Variants in ABCA10 observed in about 807,000 individuals in gnomAD.
ABCA10 encodes the protein ATP-binding cassette sub-family A member 10.
Under a neutral mutation model 187.5 loss-of-function variants are expected in ABCA10, and 169 were observed. The ratio of observed to expected loss-of-function variants is 0.90; its 90% confidence interval spans 0.80 to 1.02. The LOEUF (loss-of-function observed/expected upper bound fraction) is 1.02. Ranked by LOEUF, ABCA10 falls within the 50% of genes least tolerant of loss-of-function variation. The pLI is 0.00. For missense variants in ABCA10, 1,727 were observed against 1,812.4 expected (o/e 0.95, Z 0.86); for synonymous variants, 574 against 601.8 (o/e 0.95, Z 0.68).
intron 9 of ABCA10, among the ~76,000 whole-genome samples, chr17:69,208,237 G>GA (rs2074606551): frequency 6.6e-6 from 1 of 151,898 alleles, no homozygotes; most frequent in Non-Finnish European, 1.5e-5. Flanking sequence ...CTAACACGGT[G>GA]AAAGCCCATC....
intron 25 of ABCA10, among the ~76,000 whole-genome samples, chr17:69,166,957 CT>C (rs2074258729): frequency 6.6e-6 from 1 of 152,142 alleles, no homozygotes; most frequent in Non-Finnish European, 1.5e-5. Flanking sequence ...ATGATCAGTA[CT>C]GCCATTATCT....
chr17:69,214,657 G>C, intron 9 of ABCA10, 47 bp downstream of exon 9: 1 of 1,372,906 alleles, frequency 7.3e-7, no homozygotes, highest in Non-Finnish European at 9.6e-7. Context: ...CATGTTTTAA[G>C]AAACAGAATT....
intron 20 of ABCA10, among the ~76,000 whole-genome samples, chr17:69,184,849 A>ATGTG (rs139291537): frequency 1.8e-3 from 261 of 144,156 alleles, no homozygotes; most frequent in African/African-American, 6.8e-3. Context: ...ATATATGTAT[A>ATGTG]TGTGTGTGTG....
At chr17:69,169,317 T>C (rs1219849148) in intron 25 of ABCA10, among the ~76,000 whole-genome samples, 3 of 152,208 alleles carry the variant, frequency 2.0e-5, no homozygotes, top group African/African-American at 7.2e-5. Flanking sequence ...TGTCCATACA[T>C]CAAGTCAATA....
intron 1 of ABCA10, among the ~76,000 whole-genome samples, chr17:69,235,784 A>G (rs760996812): frequency 6.6e-6 from 1 of 152,036 alleles, no homozygotes; most frequent in African/African-American, 2.4e-5. Context: ...AAAAAAAAGA[A>G]AACAAAAAAA....
chr17:69,239,692 G>GC (rs2074892883), intron 1 of ABCA10, among the ~76,000 whole-genome samples: 1 of 152,082 alleles, frequency 6.6e-6, no homozygotes, highest in Non-Finnish European at 1.5e-5. Flanking sequence ...GTTGAGTGCT[G>GC]CCACCCGGCC....
At position 69,193,161 on chromosome 17, in the gene ABCA10, G is replaced by A. The variant is rs75656517; in HGVS notation, c.1729C>T (p.Arg577Ter). 4,017 of 1,613,892 alleles carry A rather than the reference G, an allele frequency of 2.5e-3. 81 individuals are homozygous for A. In the African/African-American group the frequency reaches 0.048, roughly 19 times the overall value. Residue 577 changes from arginine to a stop codon, truncating the protein, a stop_gained, in exon 15 of 39, where the codon CGA (arginine) becomes TGA (stop). Transcript: ENST00000690296. LOFTEE classifies it high-confidence loss of function. Reference protein sequence around the residue: ...WSLLKEHKVDRLILFSTQFMD... With the variant: ...WSLLKEHKVD ...AATTGGGTACTGAAGAGGATAAGTC[G>A]GTCTACTTTATGCTCCTTCAGGAGG...
chr17:69,223,856 A>C (rs755276081), intron 3 of ABCA10: 2 of 272,328 alleles, frequency 7.3e-6, no homozygotes, highest in Non-Finnish European at 7.3e-6. Flanking sequence ...ATTTTATATA[A>C]GAAAGAGACA....
chr17:69,236,794 G>A (rs570399501), intron 1 of ABCA10, among the ~76,000 whole-genome samples: 2 of 151,596 alleles, frequency 1.3e-5, no homozygotes, highest in Non-Finnish European at 2.9e-5. Flanking sequence ...TTTGGTCTTG[G>A]GAGAGTGTGC....
intron 3 of ABCA10, among the ~76,000 whole-genome samples, chr17:69,223,276 A>G (rs1339047837): frequency 1.3e-5 from 2 of 151,954 alleles, no homozygotes; most frequent in South Asian, 2.1e-4. Flanking sequence ...TTATAAACTG[A>G]TATCACATGA....
At chr17:69,212,082 T>C (rs528180766) in intron 9 of ABCA10, among the ~76,000 whole-genome samples, 18 of 152,220 alleles carry the variant, frequency 1.2e-4, no homozygotes, top group African/African-American at 4.1e-4. Flanking sequence ...TGTCTATTTG[T>C]GCTCTTTCAG....
Position 69,155,889 on chromosome 17 carries a change from C to T in ABCA10, c.3492G>A (p.Pro1164=), listed in dbSNP as rs372237333. The change falls in exon 29 of 39, where the codon CCG becomes CCA. Residue 1164 remains proline (P), a synonymous_variant. Transcript: ENST00000690296. Reference sequence around the variant, plus strand: ...CTTCATCTTCTTCTTCGGGCTCTTCCGGATTGGGATGAGTTTCTCTACTCC... The same window carrying T: ...CTTCATCTTCTTCTTCGGGCTCTTCTGGATTGGGATGAGTTTCTCTACTCC... ...SPRSRETHPN[P]EEPEEEDEDV... The T allele has an allele frequency of 3.2e-4, 517 of 1,613,522 alleles. 3 individuals are homozygous for T. In the South Asian group the frequency reaches 4.3e-3, roughly 13 times the overall value.
rs377397041 is a variant in ABCA10, at chr17:69,191,247, G to C, written c.1940C>G (p.Ala647Gly). ...TTCTTCACTTTCTGTTGTTAACTTG[G>C]CATCAGGAATGTGCTGCTTAATAAG... ...TSLIKQHIPD[A>G]KLTTESEEKL... The change falls in exon 17 of 39, where the codon GCC (alanine) becomes GGC (glycine). Residue 647 changes from alanine (A) to glycine (G), a missense_variant. Ala to Gly is a moderately conservative substitution (Grantham distance 60, BLOSUM62 0). Coordinates refer to ENST00000690296, the MANE Select transcript of ABCA10 (RefSeq NM_001377321.1). 1.9e-5 allele frequency: 31 copies of C among 1,601,906 alleles called. No individual in the cohort carries two copies. Among genetic ancestry groups the C allele is most frequent in the Non-Finnish European group, 2.2e-5 (26 of 1,173,178 alleles).
intron 6 of ABCA10, among the ~76,000 whole-genome samples, chr17:69,219,247 C>A (rs1026651949): frequency 5.3e-5 from 8 of 152,184 alleles, no homozygotes; most frequent in African/African-American, 1.9e-4. Flanking sequence ...TCCACCCATA[C>A]TGCAGACAAA....
Position 69,174,793 on chromosome 17 carries a change from A to C in ABCA10, c.2878-16T>G. ...GAACATTTTTCTGACAAAGAATAGA[A>C]GGGATAGAGGAAGGGATCTTAGTTT... is the stretch of plus-strand genomic sequence containing the variant. On this transcript the variant is annotated splice_polypyrimidine_tract_variant and intron_variant, in intron 23 of 38. Coordinates refer to ENST00000690296, the MANE Select transcript of ABCA10 (RefSeq NM_001377321.1). 2 of 1,544,774 alleles carry C rather than the reference A, an allele frequency of 1.3e-6. No individual in the cohort carries two copies. The highest frequency in any genetic ancestry group is 1.7e-6 in the Non-Finnish European group (2 of 1,151,340).
chr17:69,197,977 T>G (rs886088200), intron 10 of ABCA10, among the ~76,000 whole-genome samples: 1 of 152,202 alleles, frequency 6.6e-6, no homozygotes, highest in Non-Finnish European at 1.5e-5. Context: ...GATATCAAAC[T>G]GAACGCATTA....
chr17:69,174,856 T>C (rs755281746), intron 23 of ABCA10, 79 bp from the exon 24 acceptor site: 18 of 1,290,352 alleles, frequency 1.4e-5, no homozygotes, highest in Middle Eastern at 2.3e-4. Context: ...AATTGTTTAA[T>C]AAATTTTAGA....
intron 1 of ABCA10, among the ~76,000 whole-genome samples, chr17:69,238,553 C>A (rs763308806): frequency 2.6e-5 from 4 of 152,106 alleles, no homozygotes; most frequent in Admixed American, 6.5e-5. Flanking sequence ...AACTCAAATG[C>A]CTCTTACTCT....
rs547476640 is a variant in ABCA10 at position 69,216,001 on chromosome 17, C to G, written c.673-1G>C. On this transcript the variant is annotated splice_acceptor_variant, in intron 7 of 38. Transcript: ENST00000690296. LOFTEE classifies it high-confidence loss of function. ...CACTCATGAGGAAAGCCAATGCTAT[C>G]TGAAGGAAGAAAGAGGTCTGATTGG... 2.3e-4 allele frequency: 370 copies of G among 1,609,034 alleles called. 5 individuals are homozygous for G. In the South Asian group the frequency reaches 3.9e-3, roughly 17 times the overall value.
Sources: gnomAD v4.1 joint callset for allele counts (sites outside exome capture counted in the v4.1 genomes callset) on GRCh38, gnomAD v4.1.1 for gene constraint, MANE v1.5 for transcripts, NCBI Gene and HGNC (gene_info 2026-07-23, HGNC 2026-07-21) for gene names.